The following SMG6 variants were observed in gnomAD, a reference collection of about 807,000 sequenced individuals.
The protein encoded by SMG6 is telomerase-binding protein EST1A.
Under a neutral mutation model 142.2 loss-of-function variants are expected in SMG6, and 66 were observed. The ratio of observed to expected loss-of-function variants is 0.46; its 90% CI spans 0.38 to 0.57. SMG6 has a LOEUF of 0.57. Ranked by LOEUF, SMG6 falls within the 20% of genes least tolerant of loss-of-function variation. SMG6 has a pLI of 0.00. For missense variants in SMG6, 1,793 were observed against 1,832.0 expected (o/e 0.98, Z 0.39); for synonymous variants, 779 against 702.4 (o/e 1.11, Z -1.72).
chr17:2,168,186 A>T (rs550312490), intron 13 of SMG6, among the ~76,000 whole-genome samples: 118 of 151,628 alleles, frequency 7.8e-4, no homozygotes, highest in Admixed American at 3.4e-3. Context: ...GGTTTTTTTT[A>T]AAAAAATTTT....
At chr17:2,275,921 CAGAG>C (rs1216105862) in intron 8 of SMG6, among the ~76,000 whole-genome samples, 1 of 152,148 alleles carries the variant, frequency 6.6e-6, no homozygotes, top group Non-Finnish European at 1.5e-5. Flanking sequence ...TGCAACCATT[CAGAG>C]AGAGAAAGAT....
chr17:2,277,267 C>A (rs1016864599), intron 8 of SMG6, among the ~76,000 whole-genome samples: 1 of 149,730 alleles, frequency 6.7e-6, no homozygotes, highest in Non-Finnish European at 1.5e-5. Context: ...CCCGGGTTCA[C>A]GCCATTCTCC....
chr17:2,092,206 G>C (rs911946591), intron 13 of SMG6, among the ~76,000 whole-genome samples: 1 of 152,062 alleles, frequency 6.6e-6, no homozygotes, highest in African/African-American at 2.4e-5. Flanking sequence ...GGCTGGTCTC[G>C]AACGCCTGAC....
intron 10 of SMG6, among the ~76,000 whole-genome samples, chr17:2,221,693 G>C (rs930526775): frequency 6.6e-6 from 1 of 152,208 alleles, no homozygotes; most frequent in African/African-American, 2.4e-5. Flanking sequence ...CTAGTTAACA[G>C]ATGCCCCTGC....
intron 13 of SMG6, among the ~76,000 whole-genome samples, chr17:2,090,362 G>A (rs1017421782): frequency 6.6e-6 from 1 of 152,064 alleles, no homozygotes. Context: ...GGGTAAGAGA[G>A]AACGGGAACT....
chr17:2,258,046 C>T (rs796885382), intron 8 of SMG6, among the ~76,000 whole-genome samples: 7 of 114,616 alleles, frequency 6.1e-5, no homozygotes, highest in South Asian at 2.8e-4. Flanking sequence ...TATACACACA[C>T]ACACACACAC....
intron 6 of SMG6, among the ~76,000 whole-genome samples, chr17:2,290,243 A>G (rs765936991): frequency 6.6e-6 from 1 of 152,232 alleles, no homozygotes; most frequent in Non-Finnish European, 1.5e-5. Context: ...TACAGGAACC[A>G]AGACAGTGTG....
chr17:2,088,410 C>T lies in SMG6; in HGVS notation c.3358-2509G>A, dbSNP rs540568440. On this transcript the variant is annotated intron_variant, in intron 13 of 18. Transcript: ENST00000263073. ...TTGCCTATTCCATGGACACAAGCAA[C>T]GAGGAGTAGCCCTCTCCCAGTTTTC... The T allele has an allele frequency of 2.1e-5, 21 of 985,382 alleles. No individual in the cohort carries two copies. The East Asian group carries it at 1.4e-3, about 64-fold the overall frequency. 61.0% of individuals were successfully genotyped at this position (985,382 alleles called of 1,614,324 possible). A position where few individuals can be genotyped will look rare whatever the true frequency, so the allele number is the denominator to read the frequency against.
rs1036527182 is a variant in SMG6, at chr17:2,135,968, A to C, written c.3357+36690T>G. On this transcript the variant is annotated intron_variant, in intron 13 of 18. Transcript: ENST00000263073. ...AAAGTGCTGGGATTACAGGCATGAG[A>C]TACCACACCTAGCCTATATATATAT... 4.0e-5 allele frequency among the ~76,000 whole-genome samples: 6 copies of C among 149,946 alleles called. No homozygotes were observed. In the East Asian group the frequency reaches 1.2e-3, roughly 30 times the overall value.
chr17:2,256,402 T>C (rs62069341), intron 8 of SMG6, among the ~76,000 whole-genome samples: 3,331 of 152,086 alleles, frequency 0.022, 48 homozygotes, highest in East Asian at 0.053. Context: ...TAAGTCTCAG[T>C]GGTTCTAGTT....
intron 13 of SMG6, among the ~76,000 whole-genome samples, chr17:2,156,050 TTTTTTA>T (rs1293534859): frequency 8.0e-6 from 1 of 124,614 alleles, no homozygotes; most frequent in African/African-American, 3.6e-5. Context: ...TTTTTTTTTT[TTTTTTA>T]AAATAATGAA....
chr17:2,165,887 A>G (rs530671439), intron 13 of SMG6, among the ~76,000 whole-genome samples: 1 of 152,262 alleles, frequency 6.6e-6, no homozygotes, highest in South Asian at 2.1e-4. Context: ...TCTGGGTGAC[A>G]GAGTGAGACA....
At chr17:2,107,665 A>T (rs2069190854) in intron 13 of SMG6, among the ~76,000 whole-genome samples, 1 of 152,182 alleles carries the variant, frequency 6.6e-6, no homozygotes, top group South Asian at 2.1e-4. Flanking sequence ...CTCTGATGGA[A>T]CAAGCCATCT....
chr17:2,077,444 C>T (rs144220079), intron 15 of SMG6, among the ~76,000 whole-genome samples: 12 of 152,196 alleles, frequency 7.9e-5, no homozygotes, highest in African/African-American at 2.6e-4. Context: ...AATAGAATTT[C>T]GACAGGTAAC....
intron 13 of SMG6, among the ~76,000 whole-genome samples, chr17:2,126,915 G>GC (rs1305800226): frequency 4.5e-5 from 5 of 112,080 alleles, no homozygotes; most frequent in East Asian, 2.4e-4. Context: ...CATGCACACA[G>GC]ACACAAACAT....
At chr17:2,093,815 C>T (rs1378043728) in intron 13 of SMG6, among the ~76,000 whole-genome samples, 3 of 152,116 alleles carry the variant, frequency 2.0e-5, no homozygotes, top group African/African-American at 7.2e-5. Context: ...AAGATGAGGT[C>T]TTGCTATATT....
At chr17:2,106,555 G>C (rs1254549646) in intron 13 of SMG6, among the ~76,000 whole-genome samples, 1 of 152,112 alleles carries the variant, frequency 6.6e-6, no homozygotes, top group Non-Finnish European at 1.5e-5. Context: ...TGACCAGAGA[G>C]GTCTTATGTC....
chr17:2,132,472 C>T (rs775771687), intron 13 of SMG6, among the ~76,000 whole-genome samples: 12 of 152,086 alleles, frequency 7.9e-5, no homozygotes, highest in Non-Finnish European at 1.6e-4. Context: ...CGGTGTGGGA[C>T]GATCAGTGGA....
At position 2,061,389 on chromosome 17, in the gene SMG6, G is replaced by T; in HGVS notation, c.*103C>A. ...TGGAAGAGGATGGTTTATTGTCTGGGTGGATTGGTGGCTCAGGCACGTGGG... is the reference window on the plus strand; with the variant it reads ...TGGAAGAGGATGGTTTATTGTCTGGTTGGATTGGTGGCTCAGGCACGTGGG... On this transcript the variant is annotated 3_prime_UTR_variant, in exon 19 of 19. Transcript: ENST00000263073. 1 of 1,160,470 alleles carries T rather than the reference G, an allele frequency of 8.6e-7. No individual in the cohort carries two copies. Among genetic ancestry groups the T allele is most frequent in the Non-Finnish European group, 1.2e-6 (1 of 826,020 alleles). The allele number at this position is 1,160,470 out of a possible 1,614,324, so 71.9% of individuals were successfully genotyped here. A position where few individuals can be genotyped will look rare whatever the true frequency, so the allele number is the denominator to read the frequency against.
Sources: allele counts gnomAD v4.1 joint callset (sites outside exome capture counted in the v4.1 genomes callset), GRCh38; gene constraint gnomAD v4.1.1; transcripts MANE v1.5; gene names NCBI Gene and HGNC (gene_info 2026-07-23, HGNC 2026-07-21).